Variants in PTMA observed in about 807,000 individuals in gnomAD.
PTMA encodes gene sequence 28.
A neutral mutation model predicts 16.9 loss-of-function variants in PTMA; 4 were observed. The observed-to-expected ratio is 0.24, with a 90% CI of 0.12 to 0.54. The LOEUF is 0.54. Among genes scored for constraint, PTMA ranks in the 20% least tolerant of loss-of-function variants. PTMA has a pLI of 0.95. For missense variants in PTMA, 120 were observed against 137.7 expected (o/e 0.87, Z 0.64); for synonymous variants, 58 against 47.9 (o/e 1.21, Z -0.87).
chr2:231,708,795 C>G (rs762950755), intron 1 of PTMA, 44 bp downstream of exon 1: 2 of 1,590,202 alleles, frequency 1.3e-6, no homozygotes, highest in African/African-American at 1.3e-5. Flanking sequence ...CGCGCGCCGC[C>G]GCTCGGGCGG....
chr2:231,709,166 CG>C (rs1472579337), intron 1 of PTMA, among the ~76,000 whole-genome samples: 1 of 152,098 alleles, frequency 6.6e-6, no homozygotes, highest in Non-Finnish European at 1.5e-5. Flanking sequence ...TGTTGGGGCG[CG>C]GGCCGGCCGC....
At chr2:231,712,389 C>T (rs1575353680) in intron 3 of PTMA, 54 bp from the exon 4 acceptor site, 32 of 1,550,838 alleles carry the variant, frequency 2.1e-5, no homozygotes, top group Non-Finnish European at 2.8e-5. Flanking sequence ...GGGATTTCCC[C>T]AGGAGCCACA....
chr2:231,710,804 C>A (rs144176786), intron 1 of PTMA: 4,884 of 310,900 alleles, frequency 0.016, 80 homozygotes, highest in Non-Finnish European at 0.019. Context: ...TTTGGGGGGT[C>A]GGTGTGCTTT....
intron 1 of PTMA, chr2:231,710,491 G>C (rs1196053796): frequency 9.7e-6 from 10 of 1,033,958 alleles, no homozygotes; most frequent in Non-Finnish European, 1.3e-5. Flanking sequence ...GGAGCGGAGC[G>C]GGGCGGGCCG....
In PTMA at chr2:231,711,183, G is replaced by A. The variant is rs988790039; in HGVS notation, c.46-165G>A. 6.7e-6 allele frequency: 4 copies of A among 599,796 alleles called. No individual in the cohort carries two copies. In the African/African-American group the frequency reaches 7.4e-5, roughly 11 times the overall value. The allele number at this position is 599,796 out of a possible 1,614,324, so 37.2% of individuals were successfully genotyped here. A position where few individuals can be genotyped will look rare whatever the true frequency, so the allele number is the denominator to read the frequency against. ...CCCCCCGCCGGCCTTCCTTCCACCA[G>A]ACCAGTGGGAGAGGGACCGCAGGGG... On this transcript the variant is annotated intron_variant, in intron 1 of 4. Transcript: ENST00000409115.
chr2:231,712,854 A>G lies in PTMA; in HGVS notation c.*3A>G, dbSNP rs1286128329. 6.4e-7 allele frequency: 1 copy of G among 1,566,224 alleles called. No homozygotes were observed. Among genetic ancestry groups the G allele is most frequent in the Non-Finnish European group, 8.6e-7 (1 of 1,157,452 alleles). On this transcript the variant is annotated 3_prime_UTR_variant, in exon 5 of 5. Coordinates refer to ENST00000409115, the MANE Select transcript of PTMA (RefSeq NM_002823.5). Reference sequence around the variant, plus strand: ...AGAAGACCGACGAGGATGACTAGACAGCAAAAAAGGAAAAGTTAAACTAAA... The same window carrying G: ...AGAAGACCGACGAGGATGACTAGACGGCAAAAAAGGAAAAGTTAAACTAAA...
At chr2:231,709,225 G>T (rs1187307818) in intron 1 of PTMA, among the ~76,000 whole-genome samples, 12 of 152,212 alleles carry the variant, frequency 7.9e-5, no homozygotes, top group Admixed American at 7.9e-4. Context: ...TTTGTTCGGC[G>T]CCAGGCCGGC....
intron 3 of PTMA, 86 bp downstream of exon 3, chr2:231,712,069 T>C: frequency 6.5e-7 from 1 of 1,542,538 alleles, no homozygotes; most frequent in South Asian, 1.2e-5. Context: ...TTGGGGCTCC[T>C]GGGAGTGGGA....
chr2:231,708,810 T>C, intron 1 of PTMA, 59 bp downstream of exon 1: 1 of 1,570,280 alleles, frequency 6.4e-7, no homozygotes, highest in Non-Finnish European at 8.6e-7. Context: ...GGGCGGTGTT[T>C]GGCGCGCAGC....
intron 1 of PTMA, chr2:231,710,115 C>T: frequency 8.0e-7 from 1 of 1,243,518 alleles, no homozygotes; most frequent in Non-Finnish European, 1.0e-6. Flanking sequence ...GCATCCCCGA[C>T]AGTCTCGGAC....
chr2:231,711,435 G>A lies in PTMA; in HGVS notation c.117+16G>A. 1.2e-6 allele frequency: 2 copies of A among 1,613,580 alleles called. No homozygotes were observed. Among genetic ancestry groups the A allele is most frequent in the African/African-American group, 2.7e-5 (2 of 75,040 alleles). On this transcript the variant is annotated intron_variant, in intron 2 of 4. Coordinates refer to ENST00000409115, the MANE Select transcript of PTMA (RefSeq NM_002823.5). ...CGGGAATGCTGTGAGTGTCTGCTTT[G>A]CTCCTGAGCCCTGGCAGCTACCGCC...
At chr2:231,711,709 G>T in intron 2 of PTMA, 181 bp from the exon 3 acceptor site, 1 of 1,153,910 alleles carries the variant, frequency 8.7e-7, no homozygotes. Flanking sequence ...GGCAGTTAAT[G>T]TGCAGGTTTC....
intron 1 of PTMA, among the ~76,000 whole-genome samples, chr2:231,709,488 G>T (rs1294843222): frequency 6.6e-6 from 1 of 152,202 alleles, no homozygotes; most frequent in Admixed American, 6.5e-5. Flanking sequence ...ACGCGCCGCA[G>T]GGAGGAAAGA....
In PTMA at chr2:231,711,431, C is replaced by T; in HGVS notation, c.117+12C>T. The T allele has an allele frequency of 1.2e-6, 2 of 1,613,838 alleles. No homozygotes were observed. Among genetic ancestry groups the T allele is most frequent in the East Asian group, 4.5e-5 (2 of 44,890 alleles). On this transcript the variant is annotated intron_variant, in intron 2 of 4. Transcript: ENST00000409115. ...CTAACGGGAATGCTGTGAGTGTCTG[C>T]TTTGCTCCTGAGCCCTGGCAGCTAC... is the stretch of plus-strand genomic sequence containing the variant.
rs1040167996 is a variant in PTMA at position 231,712,427 on chromosome 2, C to T, written c.212-16C>T. 3.7e-6 allele frequency: 6 copies of T among 1,612,672 alleles called. No individual in the cohort carries two copies. In the South Asian group the frequency reaches 6.6e-5, roughly 18 times the overall value. On this transcript the variant is annotated splice_polypyrimidine_tract_variant and intron_variant, in intron 3 of 4. Transcript: ENST00000409115. ...AGGAGGGAAGTGTGGTTTACCTGGCCTTTGATTCTCTCCAGGTGAGGAAGA... is the reference window on the plus strand; with the variant it reads ...AGGAGGGAAGTGTGGTTTACCTGGCTTTTGATTCTCTCCAGGTGAGGAAGA...
chr2:231,710,668 A>G, intron 1 of PTMA: 2 of 434,150 alleles, frequency 4.6e-6, no homozygotes, highest in South Asian at 1.6e-5. Flanking sequence ...GCGGAGTCCC[A>G]CCCCCGAGGT....
At position 231,712,462 on chromosome 2, in the gene PTMA, TGAA is replaced by T. The variant is rs1408430958; in HGVS notation, c.234_236del (p.Glu78del). The T allele has an allele frequency of 6.2e-7, 1 of 1,613,988 alleles. No homozygotes were observed. Among genetic ancestry groups the T allele is most frequent in the East Asian group, 2.2e-5 (1 of 44,884 alleles). ...CTCCAGGTGAGGAAGAGGATGGAGA[TGAA>T]GATGAGGAAGCTGAGTCAGCTACGG... On this transcript the variant is annotated inframe_deletion, in exon 4 of 5. Transcript: ENST00000409115.
chr2:231,710,569 C>G (rs752660930), intron 1 of PTMA: 2 of 551,016 alleles, frequency 3.6e-6, no homozygotes, highest in Admixed American at 2.4e-5. Context: ...CCCGCAGGCC[C>G]GGACGCCGGA....
Position 231,711,402 on chromosome 2 carries a change from C to T in PTMA, c.100C>T (p.Pro34Ser). 1 of 1,614,126 alleles carries T rather than the reference C, an allele frequency of 6.2e-7. No homozygotes were observed. Among genetic ancestry groups the T allele is most frequent in the African/African-American group, 1.3e-5 (1 of 75,050 alleles). Residue 34 changes from proline (P) to serine (S), a missense_variant, in exon 2 of 5, where the codon CCT (proline) becomes TCT (serine). Coordinates refer to ENST00000409115, the MANE Select transcript of PTMA (RefSeq NM_002823.5). Reference sequence around the variant, plus strand: ...AGAGGCAGAAAATGGAAGAGACGCCCCTGCTAACGGGAATGCTGTGAGTGT... The same window carrying T: ...AGAGGCAGAAAATGGAAGAGACGCCTCTGCTAACGGGAATGCTGTGAGTGT... ...VEEAENGRDA[P>S]ANGNANEENG...
Sources: gnomAD v4.1 joint callset for allele counts (sites outside exome capture counted in the v4.1 genomes callset) on GRCh38, gnomAD v4.1.1 for gene constraint, MANE v1.5 for transcripts, NCBI Gene and HGNC (gene_info 2026-07-23, HGNC 2026-07-21) for gene names.